BCKDHB: variants seen among roughly 807,000 people sequenced by gnomAD.
BCKDHB encodes the protein branched chain keto acid dehydrogenase E1 subunit beta.
BCKDHB carries 41 observed loss-of-function variants against 48.5 expected under a neutral mutation model. That is an observed-to-expected ratio of 0.85 (90% confidence interval 0.66 to 1.10). The LOEUF (loss-of-function observed/expected upper bound fraction) is 1.10, where lower values mean the gene tolerates loss of function less well. Ranked by LOEUF, BCKDHB falls within the 50% of genes least tolerant of loss-of-function variation. The probability of loss-of-function intolerance (pLI) is 0.00; values close to 1 mark genes in which losing one functional copy is unlikely to be tolerated. For missense variants in BCKDHB, 496 were observed against 494.2 expected (o/e 1.00, Z -0.03); for synonymous variants, 201 against 174.8 (o/e 1.15, Z -1.18).
At chr6:80,154,596 T>C (rs974961690) in intron 3 of BCKDHB, among the ~76,000 whole-genome samples, 2 of 152,154 alleles carry the variant, frequency 1.3e-5, no homozygotes, top group African/African-American at 4.8e-5. Flanking sequence ...TAATAGTAAT[T>C]GAATTTCTTG....
intron 3 of BCKDHB, among the ~76,000 whole-genome samples, chr6:80,144,557 C>T (rs564989825): frequency 6.6e-6 from 1 of 152,224 alleles, no homozygotes; most frequent in African/African-American, 2.4e-5. Context: ...TTGGGAACTT[C>T]CAACCTACCC....
At chr6:80,164,758 A>G (rs1413230861) in intron 3 of BCKDHB, among the ~76,000 whole-genome samples, 1 of 152,160 alleles carries the variant, frequency 6.6e-6, no homozygotes, top group Non-Finnish European at 1.5e-5. Context: ...ACTTAAACCC[A>G]GGTCTTTCTT....
chr6:80,463,299 G>T, the BCKDHB span: 1 of 152,108 alleles, frequency 6.6e-6, no homozygotes, highest in Non-Finnish European at 1.5e-5. Context: ...TAGCCAAATT[G>T]AAAAATTTCT....
intron 8 of BCKDHB, among the ~76,000 whole-genome samples, chr6:80,211,476 C>T (rs564332244): frequency 5.3e-5 from 8 of 152,126 alleles, no homozygotes; most frequent in Admixed American, 2.0e-4. Flanking sequence ...AACTGTCTTG[C>T]GCTTCTGACC....
intron 6 of BCKDHB, among the ~76,000 whole-genome samples, chr6:80,183,473 A>C (rs2127794501): frequency 6.6e-6 from 1 of 152,256 alleles, no homozygotes; most frequent in South Asian, 2.1e-4. Flanking sequence ...TTCACAGCAA[A>C]ATTGAGAGAT....
chr6:80,144,884 T>C (rs1771403567), intron 3 of BCKDHB, among the ~76,000 whole-genome samples: 2 of 152,134 alleles, frequency 1.3e-5, no homozygotes, highest in Admixed American at 1.3e-4. Flanking sequence ...TCTTCCACTG[T>C]TTAAATTGTC....
intron 9 of BCKDHB, among the ~76,000 whole-genome samples, chr6:80,277,975 T>C (rs1302097583): frequency 2.6e-5 from 4 of 152,174 alleles, no homozygotes; most frequent in African/African-American, 9.7e-5. Context: ...TTTTTTCTTA[T>C]AAACTTATTA....
At chr6:80,277,659 T>G (rs1029461746) in intron 9 of BCKDHB, among the ~76,000 whole-genome samples, 1 of 54,492 alleles carries the variant, frequency 1.8e-5, no homozygotes, top group Admixed American at 1.5e-4. Context: ...AAGATTTGAG[T>G]TTTTTTTTTT....
intron 8 of BCKDHB, among the ~76,000 whole-genome samples, chr6:80,214,053 A>C (rs1775061071): frequency 6.6e-6 from 1 of 152,170 alleles, no homozygotes; most frequent in Non-Finnish European, 1.5e-5. Flanking sequence ...TTGCTATAGA[A>C]GACTTCACTG....
At chr6:80,383,192 A>G in the BCKDHB span, among the ~76,000 whole-genome samples, 3 of 152,182 alleles carry the variant, frequency 2.0e-5, no homozygotes, top group African/African-American at 7.2e-5. Flanking sequence ...AGGGTTGCAT[A>G]TCTTCGATTT....
At chr6:80,423,489 C>T in the BCKDHB span, among the ~76,000 whole-genome samples, 176 of 152,220 alleles carry the variant, frequency 1.2e-3, 2 homozygotes, top group Middle Eastern at 3.4e-3. Context: ...ATATTGCTTT[C>T]TTCTTAGTCT....
At chr6:80,334,712 T>TC (rs932234386) in intron 9 of BCKDHB, among the ~76,000 whole-genome samples, 2 of 151,688 alleles carry the variant, frequency 1.3e-5, no homozygotes, top group African/African-American at 4.8e-5. Context: ...AAAAATAGAT[T>TC]CCCCCCTCCC....
chr6:80,189,585 A>G (rs1773801288), intron 6 of BCKDHB, among the ~76,000 whole-genome samples: 1 of 152,016 alleles, frequency 6.6e-6, no homozygotes, highest in South Asian at 2.1e-4. Flanking sequence ...TAAGCCCTTT[A>G]GGAGTTTTCA....
chr6:80,430,438 G>C, the BCKDHB span, among the ~76,000 whole-genome samples: 1 of 152,158 alleles, frequency 6.6e-6, no homozygotes, highest in Non-Finnish European at 1.5e-5. Context: ...AGAAGGAATG[G>C]TACCAACTCC....
At chr6:80,264,014 A>G (rs944679953) in intron 8 of BCKDHB, among the ~76,000 whole-genome samples, 1 of 152,076 alleles carries the variant, frequency 6.6e-6, no homozygotes, top group Admixed American at 6.6e-5. Context: ...TCATTTTTCA[A>G]TTTTTTTTAG....
the BCKDHB span, among the ~76,000 whole-genome samples, chr6:80,435,352 G>A: frequency 6.6e-6 from 1 of 152,098 alleles, no homozygotes; most frequent in Admixed American, 6.5e-5. Context: ...GAAAGAATCA[G>A]GACATGGAGA....
At chr6:80,420,088 A>T in the BCKDHB span, among the ~76,000 whole-genome samples, 1 of 152,214 alleles carries the variant, frequency 6.6e-6, no homozygotes, top group African/African-American at 2.4e-5. Flanking sequence ...GTTCTCTTGT[A>T]GCTCACTGAG....
At chr6:80,124,300 GCTTTA>G (rs1351856082) in intron 1 of BCKDHB, among the ~76,000 whole-genome samples, 1 of 152,154 alleles carries the variant, frequency 6.6e-6, no homozygotes, top group East Asian at 1.9e-4. Context: ...GCTGAAAAGT[GCTTTA>G]CTTCCAGTTA....
intron 3 of BCKDHB, among the ~76,000 whole-genome samples, chr6:80,147,251 A>G (rs1032432642): frequency 2.6e-5 from 4 of 152,254 alleles, no homozygotes; most frequent in African/African-American, 4.8e-5. Context: ...CAGGCCTGAG[A>G]CCTCATCTTT....
Sources: allele counts gnomAD v4.1 joint callset (sites outside exome capture counted in the v4.1 genomes callset), GRCh38; gene constraint gnomAD v4.1.1; transcripts MANE v1.5; gene names NCBI Gene and HGNC (gene_info 2026-07-23, HGNC 2026-07-21).